STON1: variants seen among roughly 807,000 people sequenced by gnomAD.
The protein encoded by STON1 is stonin 1.
In STON1, 79 loss-of-function variants were observed where a neutral mutation model predicts 60.9. The observed-to-expected ratio is 1.30, with a 90% CI of 1.08 to 1.56. The LOEUF is 1.56. Ranked by LOEUF, STON1 falls within the 40% of genes most tolerant of loss-of-function variation. STON1 has a pLI of 0.00. For missense variants in STON1, 1,166 were observed against 858.9 expected, an observed-to-expected ratio of 1.36 and a Z score of -4.47; for synonymous variants, 363 against 306.9, an observed-to-expected ratio of 1.18 and a Z score of -1.91.
At chr2:48,574,927 A>G (rs1174710919) in intron 1 of STON1, among the ~76,000 whole-genome samples, 2 of 152,250 alleles carry the variant, frequency 1.3e-5, no homozygotes, top group South Asian at 2.1e-4. Flanking sequence ...AAACGGTGTT[A>G]TGAACGATAT....
At chr2:48,564,620 C>T (rs1159381928) in intron 1 of STON1, among the ~76,000 whole-genome samples, 2 of 116,622 alleles carry the variant, frequency 1.7e-5, no homozygotes, top group African/African-American at 7.1e-5. Context: ...TTCTCCTTCT[C>T]CTTCTCCTTC....
intron 1 of STON1, among the ~76,000 whole-genome samples, chr2:48,533,662 C>CA (rs57217272): frequency 0.14 from 7,580 of 55,902 alleles, 557 homozygotes; most frequent in Non-Finnish European, 0.17. Context: ...AACTCCGTCT[C>CA]AAAAAAAAAA....
intron 1 of STON1, among the ~76,000 whole-genome samples, chr2:48,542,948 C>G (rs1382366750): frequency 1.4e-5 from 2 of 147,852 alleles, no homozygotes; most frequent in Non-Finnish European, 3.0e-5. Context: ...GGGGAGTGGC[C>G]GTGGTTACTC....
At chr2:48,539,752 C>A (rs760415293) in intron 1 of STON1, among the ~76,000 whole-genome samples, 4 of 152,070 alleles carry the variant, frequency 2.6e-5, no homozygotes, top group Non-Finnish European at 4.4e-5. Flanking sequence ...GGATTACAGG[C>A]GTGAGCCACT....
chr2:48,533,136 C>T (rs1043033058), intron 1 of STON1, among the ~76,000 whole-genome samples: 1 of 152,142 alleles, frequency 6.6e-6, no homozygotes, highest in Non-Finnish European at 1.5e-5. Flanking sequence ...GTAATCCCAG[C>T]ACTTGGGGAG....
chr2:48,563,928 G>A (rs947738590), intron 1 of STON1, among the ~76,000 whole-genome samples: 3 of 151,396 alleles, frequency 2.0e-5, no homozygotes, highest in Non-Finnish European at 4.4e-5. Flanking sequence ...TTGAACTCCT[G>A]ACTCAAGCGA....
At chr2:48,572,970 G>T (rs1470951469) in intron 1 of STON1, among the ~76,000 whole-genome samples, 1 of 152,238 alleles carries the variant, frequency 6.6e-6, no homozygotes. Context: ...GTGTGTTTTT[G>T]TGCCCTCAGG....
At chr2:48,548,080 T>C (rs982190598) in intron 1 of STON1, among the ~76,000 whole-genome samples, 2 of 152,236 alleles carry the variant, frequency 1.3e-5, no homozygotes, top group Admixed American at 1.3e-4. Context: ...GGTAACTCTT[T>C]AGTCTTTGAA....
intron 1 of STON1, among the ~76,000 whole-genome samples, chr2:48,574,865 A>C (rs1184987454): frequency 1.3e-5 from 2 of 152,250 alleles, no homozygotes; most frequent in Non-Finnish European, 2.9e-5. Flanking sequence ...AATTGTGGTA[A>C]ATGAAACTAC....
rs1338578673 is a variant in STON1, at chr2:48,557,137, A to G, written c.-47-23450A>G. 8.9e-4 allele frequency among the ~76,000 whole-genome samples: 89 copies of G among 99,802 alleles called. 4 individuals carry two copies. Among genetic ancestry groups the G allele is most frequent in the African/African-American group, 3.3e-3 (88 of 26,684 alleles). The allele number at this position is 99,802 out of a possible 152,430, so 65.5% of individuals were successfully genotyped here. ...GGCGGAGACGCTCCTCACTTCCCAG[A>G]TGGGGTGGCTGCCGGGCGGAGACGC... On this transcript the variant is annotated intron_variant, in intron 1 of 3. Coordinates refer to ENST00000404752, the MANE Select transcript of STON1 (RefSeq NM_006873.4).
At position 48,581,644 on chromosome 2, in the gene STON1, C is replaced by A. The variant is rs1198551037; in HGVS notation, c.1011C>A (p.Asn337Lys). 6.2e-7 allele frequency: 1 copy of A among 1,614,066 alleles called. No homozygotes were observed. Among genetic ancestry groups the A allele is most frequent in the Non-Finnish European group, 8.5e-7 (1 of 1,180,018 alleles). The change falls in exon 2 of 4, where the codon AAC becomes AAA. Residue 337 changes from asparagine (N) to lysine (K), a missense_variant. Physicochemically the swap from Asn to Lys is moderately conservative, Grantham distance 94. Transcript: ENST00000404752. The stretch of plus-strand genomic sequence containing the variant: ...GGCTTTCTGAACCCAAGGTTGAGAA[C>A]TTCAGTGTAGCAGGAAAAATCCACA... ...YCRLSEPKVE[N>K]FSVAGKIHTV...
chr2:48,538,466 A>G (rs1223022200), intron 1 of STON1, among the ~76,000 whole-genome samples: 1 of 152,088 alleles, frequency 6.6e-6, no homozygotes, highest in Non-Finnish European at 1.5e-5. Context: ...TAGATGATCC[A>G]TTCATGTGTT....
At chr2:48,559,383 C>G (rs922189526) in intron 1 of STON1, among the ~76,000 whole-genome samples, 2 of 152,152 alleles carry the variant, frequency 1.3e-5, no homozygotes, top group African/African-American at 4.8e-5. Context: ...CTGTTCCTCA[C>G]AGATGGCACC....
intron 1 of STON1, among the ~76,000 whole-genome samples, chr2:48,575,557 G>A (rs888390590): frequency 6.6e-6 from 1 of 151,862 alleles, no homozygotes; most frequent in South Asian, 2.1e-4. Context: ...GAGGGCTGAG[G>A]CAGGAGAATC....
At chr2:48,538,789 T>TTA (rs1671536623) in intron 1 of STON1, among the ~76,000 whole-genome samples, 1 of 120,376 alleles carries the variant, frequency 8.3e-6, no homozygotes, top group South Asian at 2.8e-4. Context: ...TTTTTTTTTT[T>TTA]ATATTTTCTG....
chr2:48,577,735 C>T (rs1434359497), intron 1 of STON1, among the ~76,000 whole-genome samples: 6 of 150,772 alleles, frequency 4.0e-5, no homozygotes, highest in African/African-American at 1.5e-4. Context: ...CCTGCCTCAG[C>T]CTCCTGAGTA....
intron 1 of STON1, among the ~76,000 whole-genome samples, chr2:48,574,571 C>T (rs1049943048): frequency 3.9e-5 from 6 of 152,204 alleles, no homozygotes; most frequent in East Asian, 3.9e-4. Context: ...ACTGGCTGGG[C>T]GACTTTAGGC....
intron 1 of STON1, among the ~76,000 whole-genome samples, chr2:48,569,259 G>A (rs938883019): frequency 6.6e-6 from 1 of 152,178 alleles, no homozygotes; most frequent in African/African-American, 2.4e-5. Flanking sequence ...TAATTGAACA[G>A]AAAGCCTTAA....
intron 1 of STON1, among the ~76,000 whole-genome samples, chr2:48,575,063 C>T (rs1467778915): frequency 2.0e-5 from 3 of 152,190 alleles, no homozygotes; most frequent in South Asian, 2.1e-4. Context: ...TTACTTTCTG[C>T]GGTATGAGTT....
Sources: gnomAD v4.1 joint callset for allele counts (sites outside exome capture counted in the v4.1 genomes callset) on GRCh38, gnomAD v4.1.1 for gene constraint, MANE v1.5 for transcripts, NCBI Gene and HGNC (gene_info 2026-07-23, HGNC 2026-07-21) for gene names.